Variants in NADSYN1 observed in about 807,000 individuals in gnomAD.
NADSYN1 encodes NAD synthetase 1.
A neutral mutation model predicts 99.3 loss-of-function variants in NADSYN1; 80 were observed. That is an observed-to-expected ratio of 0.81 (90% CI 0.67 to 0.97). The LOEUF (loss-of-function observed/expected upper bound fraction) is 0.97, where lower values mean the gene tolerates loss of function less well. NADSYN1 is among the 50% of genes least tolerant of loss of function. The pLI, the probability that NADSYN1 is intolerant of heterozygous loss-of-function variation, is 0.00. For synonymous variants in NADSYN1, 385 were observed against 372.1 expected, an observed-to-expected ratio of 1.03 and a Z score of -0.40; for missense variants, 859 against 948.5, an observed-to-expected ratio of 0.91 and a Z score of 1.24.
chr11:71,463,542 C>A, intron 4 of NADSYN1, 57 bp downstream of exon 4: 1 of 1,546,842 alleles, frequency 6.5e-7, no homozygotes, highest in Non-Finnish European at 8.9e-7. Flanking sequence ...TGGCTCTCAG[C>A]TGAGGGCTGC....
At chr11:71,476,135 G>C (rs1200264534) in intron 9 of NADSYN1, 1 of 456,230 alleles carries the variant, frequency 2.2e-6, no homozygotes, top group Non-Finnish European at 4.4e-6. Context: ...GCCGGCGTGG[G>C]TGGGAGCGTC....
intron 10 of NADSYN1, chr11:71,479,297 T>C (rs992009126): frequency 1.3e-5 from 2 of 151,894 alleles, no homozygotes; most frequent in African/African-American, 4.8e-5. Context: ...AGTCTCACTA[T>C]GTTGCCTAGG....
intron 3 of NADSYN1, chr11:71,458,997 T>C (rs7938885): frequency 0.58 from 99,410 of 170,540 alleles, 31,279 homozygotes; most frequent in Non-Finnish European, 0.74. Flanking sequence ...TCGCCGGTCC[T>C]TATGGAGGCC....
intron 9 of NADSYN1, chr11:71,477,524 C>CTGTTCCCG: frequency 9.4e-7 from 1 of 1,059,224 alleles, no homozygotes; most frequent in Non-Finnish European, 1.3e-6. Context: ...GGTGCAGGTG[C>CTGTTCCCG]TGTTCCCGCT....
chr11:71,455,264 C>G, intron 2 of NADSYN1, 94 bp downstream of exon 2: 1 of 1,130,354 alleles, frequency 8.8e-7, no homozygotes, highest in Non-Finnish European at 1.3e-6. Context: ...CAGGGACAGT[C>G]CTGAGAGCTG....
chr11:71,458,496 C>G lies in NADSYN1; in HGVS notation c.215C>G (p.Ala72Gly). 6.2e-7 allele frequency: 1 copy of G among 1,613,910 alleles called. No homozygotes were observed. Among genetic ancestry groups the G allele is most frequent in the Non-Finnish European group, 8.5e-7 (1 of 1,179,814 alleles). The change falls in exon 3 of 21, where the codon GCC becomes GGC. Residue 72 changes from alanine to glycine, a missense_variant. Ala to Gly is a moderately conservative substitution (Grantham distance 60). Coordinates refer to ENST00000319023, the MANE Select transcript of NADSYN1 (RefSeq NM_018161.5). ...TLLHSFQVLA[A>G]LVESPVTQDI... The stretch of plus-strand genomic sequence containing the variant: ...TTGCACTCGTTTCAAGTCCTAGCGG[C>G]CCTTGTGGAGTCTCCCGTCACTCAG...
intron 5 of NADSYN1, among the ~76,000 whole-genome samples, chr11:71,467,788 A>T (rs1949602379): frequency 6.6e-6 from 1 of 152,246 alleles, no homozygotes; most frequent in Admixed American, 6.5e-5. Flanking sequence ...TGGAGGTTAT[A>T]GAGAAGAGGC....
In NADSYN1 at chr11:71,463,627, C is replaced by T. The variant is rs145405068; in HGVS notation, c.317+142C>T. ...GGAAGTGCCCGGGCTTAGTGAGGGC[C>T]GATGCACCAGGCAGGTGATCCGGGT... On this transcript the variant is annotated intron_variant, in intron 4 of 20. Coordinates refer to ENST00000319023, the MANE Select transcript of NADSYN1 (RefSeq NM_018161.5). 1.1e-4 allele frequency: 79 copies of T among 734,536 alleles called. No homozygotes were observed. The African/African-American group carries it at 1.1e-3, about 10-fold the overall frequency. The allele number at this position is 734,536 out of a possible 1,614,324, so 45.5% of individuals were successfully genotyped here.
intron 13 of NADSYN1, among the ~76,000 whole-genome samples, chr11:71,482,526 C>T (rs947634645): frequency 7.4e-5 from 11 of 147,870 alleles, no homozygotes; most frequent in South Asian, 2.2e-4. Flanking sequence ...GGGTGTAGAC[C>T]GGGGTGGAGC....
intron 5 of NADSYN1, among the ~76,000 whole-genome samples, chr11:71,464,684 G>A (rs965946320): frequency 6.6e-5 from 10 of 151,766 alleles, no homozygotes; most frequent in Non-Finnish European, 1.3e-4. Flanking sequence ...TGGCTAACAC[G>A]GTGAAACCCC....
At chr11:71,472,098 G>C (rs1290348237) in intron 5 of NADSYN1, among the ~76,000 whole-genome samples, 1 of 152,110 alleles carries the variant, frequency 6.6e-6, no homozygotes, top group East Asian at 1.9e-4. Context: ...CAGTAACAGC[G>C]ATCAGGAATT....
At chr11:71,495,725 G>A (rs375800704) in intron 18 of NADSYN1, among the ~76,000 whole-genome samples, 70 of 152,344 alleles carry the variant, frequency 4.6e-4, no homozygotes, top group Middle Eastern at 3.4e-3. Flanking sequence ...TGCGCAACCC[G>A]TCAGGTGCTG....
intron 1 of NADSYN1, among the ~76,000 whole-genome samples, chr11:71,454,465 G>A (rs1203084616): frequency 2.0e-5 from 3 of 152,248 alleles, no homozygotes; most frequent in Non-Finnish European, 4.4e-5. Context: ...ACCTGCCTTG[G>A]CCTCCCAAAG....
chr11:71,473,156 G>A (rs1949639374), intron 6 of NADSYN1, 122 bp from the exon 7 acceptor site: 1 of 927,308 alleles, frequency 1.1e-6, no homozygotes, highest in Non-Finnish European at 1.7e-6. Flanking sequence ...TCTTCGGAAT[G>A]TGCGAGAGCC....
Position 71,501,473 on chromosome 11 carries a change from G to C in NADSYN1, c.*121G>C. On this transcript the variant is annotated 3_prime_UTR_variant, in exon 21 of 21. Transcript: ENST00000319023. ...CCCAGGATGGGACGGCGCATCAGCC[G>C]AGAGGGAGGGAACTTTTCAGTCAAA... 1.2e-6 allele frequency: 1 copy of C among 868,658 alleles called. No homozygotes were observed. The highest frequency in any genetic ancestry group is 2.8e-5 in the East Asian group (1 of 36,042). The allele number at this position is 868,658 out of a possible 1,614,324, so 53.8% of individuals were successfully genotyped here.
At chr11:71,459,050 C>A (rs1949531906) in intron 3 of NADSYN1, 2 of 169,662 alleles carry the variant, frequency 1.2e-5, no homozygotes, top group African/African-American at 4.8e-5. Context: ...CCCTGCATAG[C>A]CGGTCCCTAT....
chr11:71,464,025 G>T (rs761123762), intron 4 of NADSYN1, 28 bp from the exon 5 acceptor site: 1 of 1,577,158 alleles, frequency 6.3e-7, no homozygotes, highest in Non-Finnish European at 8.7e-7. Context: ...GGAGCCCGGT[G>T]TGCACAGCCC....
At chr11:71,483,618 G>A (rs1424579518) in intron 14 of NADSYN1, among the ~76,000 whole-genome samples, 8 of 152,168 alleles carry the variant, frequency 5.3e-5, no homozygotes, top group Non-Finnish European at 1.2e-4. Context: ...GAGAAAATGA[G>A]CAGCTCCCCA....
At chr11:71,460,867 C>A (rs952399026) in intron 3 of NADSYN1, 1 of 152,202 alleles carries the variant, frequency 6.6e-6, no homozygotes, top group African/African-American at 2.4e-5. Flanking sequence ...GTTGGTGGTG[C>A]ACCATCCTTA....
Sources: gnomAD v4.1 joint callset for allele counts (sites outside exome capture counted in the v4.1 genomes callset) on GRCh38, gnomAD v4.1.1 for gene constraint, MANE v1.5 for transcripts, NCBI Gene and HGNC (gene_info 2026-07-23, HGNC 2026-07-21) for gene names.